Variants in TBCK observed in about 807,000 individuals in gnomAD.
TBCK encodes the protein TBC domain-containing protein kinase-like protein.
A neutral mutation model predicts 113.4 loss-of-function variants in TBCK; 99 were observed. The ratio of observed to expected loss-of-function variants is 0.87; its 90% CI spans 0.74 to 1.03. The LOEUF (loss-of-function observed/expected upper bound fraction) is 1.03. TBCK is among the 50% of genes least tolerant of loss of function. The pLI is 0.00. For synonymous variants in TBCK, 369 were observed against 370.8 expected, an observed-to-expected ratio of 1.00 and a Z score of 0.05; for missense variants, 1,045 against 1,061.3, an observed-to-expected ratio of 0.98 and a Z score of 0.21.
chr4:106,282,504 A>AT (rs549436331), intron 3 of TBCK, among the ~76,000 whole-genome samples: 13 of 149,634 alleles, frequency 8.7e-5, no homozygotes, highest in South Asian at 2.1e-4. Flanking sequence ...ATATTCTTTG[A>AT]TTTTTTTTAA....
Position 106,236,425 on chromosome 4 carries a change from G to T in TBCK, c.1315C>A (p.Leu439Ile). The T allele has an allele frequency of 4.5e-6, 7 of 1,556,894 alleles. No homozygotes were observed. Among genetic ancestry groups the T allele is most frequent in the Non-Finnish European group, 6.1e-6 (7 of 1,150,610 alleles). ...IIREKDTEYQLNRIILFDRLL... is the reference protein window; with the variant it reads ...IIREKDTEYQINRIILFDRLL... ...CTGTCGAAGAGAATAATTCTATTTA[G>T]TTGGTACTCTGTATCCTTCTCTCTG... The change falls in exon 14 of 26, where the codon CTA (leucine) becomes ATA (isoleucine). Residue 439 changes from leucine to isoleucine, a missense_variant. Leu to Ile is a conservative substitution (Grantham distance 5). Transcript: ENST00000394708.
chr4:106,204,725 T>C (rs1260001090), intron 20 of TBCK, among the ~76,000 whole-genome samples: 3 of 151,208 alleles, frequency 2.0e-5, no homozygotes, highest in Non-Finnish European at 4.4e-5. Context: ...ACTATGTTTA[T>C]TTGAAAGAAT....
At chr4:106,047,753 G>A (rs1734374322) in intron 25 of TBCK, among the ~76,000 whole-genome samples, 1 of 152,072 alleles carries the variant, frequency 6.6e-6, no homozygotes, top group South Asian at 2.1e-4. Context: ...ACTAAACTAT[G>A]CCAAATGACC....
intron 22 of TBCK, among the ~76,000 whole-genome samples, chr4:106,180,912 G>C (rs2149775739): frequency 6.6e-6 from 1 of 152,200 alleles, no homozygotes. Context: ...TGGGATTACT[G>C]GGTCAAATGG....
In TBCK at chr4:106,116,299, C is replaced by T; in HGVS notation, c.2315G>A (p.Cys772Tyr). Residue 772 changes from cysteine to tyrosine, a missense_variant, in exon 24 of 26, where the codon TGT (cysteine) becomes TAT (tyrosine). Coordinates refer to ENST00000394708, the MANE Select transcript of TBCK (RefSeq NM_001163435.3). ...GAAGTGGCCTGTCACTGTGAGCTCACACAAGTCAATCAGGTCCTCTGCTGA... is the reference window on the plus strand; with the variant it reads ...GAAGTGGCCTGTCACTGTGAGCTCATACAAGTCAATCAGGTCCTCTGCTGA... Reference protein sequence around the residue: ...RISAEDLIDLCELTVTGHFKT... With the variant: ...RISAEDLIDLYELTVTGHFKT... 6.2e-7 allele frequency: 1 copy of T among 1,613,538 alleles called. No homozygotes were observed.
At position 106,061,261 on chromosome 4, in the gene TBCK, G is replaced by A. The variant is rs191093442; in HGVS notation, c.2572-14581C>T. ...TCTTTCATGAAGAGTCAATTGATAC[G>A]GCAAACGTCATTGTTGTCTTATGTT... On this transcript the variant is annotated intron_variant, in intron 25 of 25. Transcript: ENST00000394708. Among the ~76,000 whole-genome samples the A allele has an allele frequency of 1.9e-3, 288 of 151,676 alleles. 1 individual carries two copies. Among genetic ancestry groups the A allele is most frequent in the Admixed American group, 4.3e-3 (65 of 15,170 alleles).
At position 106,148,361 on chromosome 4, in the gene TBCK, T is replaced by C. The variant is rs370677792; in HGVS notation, c.2235+22734A>G. On this transcript the variant is annotated intron_variant, in intron 23 of 25. Transcript: ENST00000394708. ...TGGGGCATCACGGAACCTATCGACA[T>C]GTGATGTCTCCCCCGGATGCCCAGC... Among the ~76,000 whole-genome samples the C allele has an allele frequency of 1.7e-3, 258 of 152,302 alleles. 2 individuals are homozygous for C. Among genetic ancestry groups the C allele is most frequent in the African/African-American group, 5.3e-3 (220 of 41,562 alleles).
chr4:106,183,242 A>G (rs1752612791), intron 22 of TBCK, among the ~76,000 whole-genome samples: 1 of 151,960 alleles, frequency 6.6e-6, no homozygotes, highest in Admixed American at 6.6e-5. Flanking sequence ...TATAGATAGG[A>G]TCATGTCATT....
In TBCK at chr4:106,235,357, T is replaced by A. The variant is rs1046975281; in HGVS notation, c.1361A>T (p.Tyr454Phe). The part of the protein sequence containing the change: ...LFDRLLKAYP[Y>F]KKNQIWKEAR... ...TTCTTTCCAGATTTGGTTTTTTTTATATGGATAAGCCTATGATATCAAAAA... is the reference window on the plus strand; with the variant it reads ...TTCTTTCCAGATTTGGTTTTTTTTAAATGGATAAGCCTATGATATCAAAAA... The change falls in exon 15 of 26, where the codon TAT (tyrosine) becomes TTT (phenylalanine). Residue 454 changes from tyrosine (Y) to phenylalanine (F), a missense_variant. Coordinates refer to ENST00000394708, the MANE Select transcript of TBCK (RefSeq NM_001163435.3). 17 of 1,605,778 alleles carry A rather than the reference T, an allele frequency of 1.1e-5. No individual in the cohort carries two copies. The African/African-American group carries it at 1.9e-4, about 18-fold the overall frequency.
intron 23 of TBCK, among the ~76,000 whole-genome samples, chr4:106,134,949 T>C (rs1203798978): frequency 6.6e-6 from 1 of 152,196 alleles, no homozygotes; most frequent in Non-Finnish European, 1.5e-5. Context: ...ACCAGTACAG[T>C]CAATCTAAAG....
At chr4:106,289,789 A>G (rs1040736856) in intron 3 of TBCK, among the ~76,000 whole-genome samples, 1 of 151,928 alleles carries the variant, frequency 6.6e-6, no homozygotes, top group Non-Finnish European at 1.5e-5. Flanking sequence ...AGAAAAAAAA[A>G]AAGACGATTG....
chr4:106,304,469 T>G (rs1442766071), intron 2 of TBCK, among the ~76,000 whole-genome samples: 1 of 152,170 alleles, frequency 6.6e-6, no homozygotes, highest in African/African-American at 2.4e-5. Flanking sequence ...AAATTGATAT[T>G]TTTTCCACGT....
Position 106,089,462 on chromosome 4 carries a change from T to C in TBCK, c.2571+6020A>G, listed in dbSNP as rs147583874. 8.5e-5 allele frequency among the ~76,000 whole-genome samples: 13 copies of C among 152,330 alleles called. No homozygotes were observed. In the East Asian group the frequency reaches 1.4e-3, roughly 16 times the overall value. ...TCTGCCTCTGATCCCCTAAGTCTTATGTCCTCCTCACATATCAGAATACAA... is the reference window on the plus strand; with the variant it reads ...TCTGCCTCTGATCCCCTAAGTCTTACGTCCTCCTCACATATCAGAATACAA... On this transcript the variant is annotated intron_variant, in intron 25 of 25. Coordinates refer to ENST00000394708, the MANE Select transcript of TBCK (RefSeq NM_001163435.3).
chr4:106,301,608 G>C (rs962052485), intron 2 of TBCK, among the ~76,000 whole-genome samples: 15 of 152,056 alleles, frequency 9.9e-5, no homozygotes, highest in African/African-American at 3.6e-4. Context: ...TATCATCTTT[G>C]ATTAGTTTCG....
rs1301909163 is a variant in TBCK, at chr4:106,042,896, TCTC to T, written c.*3671_*3673del. On this transcript the variant is annotated 3_prime_UTR_variant, in exon 26 of 26. Transcript: ENST00000394708. ...TCAAGAATAACCAGGCCAATGACAATCTCCTCTGTAGCTTCCCTAATTTGGCGG... is the reference window on the plus strand; with the variant it reads ...TCAAGAATAACCAGGCCAATGACAATCTCTGTAGCTTCCCTAATTTGGCGG... The T allele has an allele frequency of 6.6e-6, 1 of 152,142 alleles. No individual in the cohort carries two copies. Among genetic ancestry groups the T allele is most frequent in the Non-Finnish European group, 1.5e-5 (1 of 68,030 alleles). 9.4% of individuals were successfully genotyped at this position (152,142 alleles called of 1,614,324 possible).
chr4:106,271,588 C>T (rs1303300138), intron 3 of TBCK, among the ~76,000 whole-genome samples: 1 of 151,816 alleles, frequency 6.6e-6, no homozygotes, highest in East Asian at 1.9e-4. Context: ...CCCATCTCTA[C>T]TAAAAATACA....
Position 106,231,786 on chromosome 4 carries a change from C to T in TBCK, c.1640-7G>A, listed in dbSNP as rs372664771. 2 of 1,608,610 alleles carry T rather than the reference C, an allele frequency of 1.2e-6. No individual in the cohort carries two copies. Among genetic ancestry groups the T allele is most frequent in the Admixed American group, 1.7e-5 (1 of 59,100 alleles). ...GCACAAAGTGAGTCAAGACCTAACA[C>T]AGAGGGGTTGGGAGAAAGAAGTCAA... On this transcript the variant is annotated splice_region_variant and splice_polypyrimidine_tract_variant and intron_variant, in intron 17 of 25. Coordinates refer to ENST00000394708, the MANE Select transcript of TBCK (RefSeq NM_001163435.3).
In TBCK at chr4:106,129,548, G is replaced by C. The variant is rs183973396; in HGVS notation, c.2236-13170C>G. Among the ~76,000 whole-genome samples, 89 of 152,224 alleles carry C rather than the reference G, an allele frequency of 5.8e-4. 3 individuals are homozygous for C. The highest frequency in any genetic ancestry group is 1.7e-3 in the Admixed American group (26 of 15,296). ...ATAGCAAAGATGAATTCTTAAAGAA[G>C]AGTAATGTATGTGAAGAATACAAAT... is the stretch of plus-strand genomic sequence containing the variant. On this transcript the variant is annotated intron_variant, in intron 23 of 25. Transcript: ENST00000394708.
At chr4:106,245,869 G>A (rs1760737835) in intron 10 of TBCK, among the ~76,000 whole-genome samples, 1 of 152,022 alleles carries the variant, frequency 6.6e-6, no homozygotes, top group South Asian at 2.1e-4. Flanking sequence ...TAGCCCTTAT[G>A]TCCAGCACTT....
Sources: gnomAD v4.1 joint callset for allele counts (sites outside exome capture counted in the v4.1 genomes callset) on GRCh38, gnomAD v4.1.1 for gene constraint, MANE v1.5 for transcripts, NCBI Gene and HGNC (gene_info 2026-07-23, HGNC 2026-07-21) for gene names.